Variants in RASGEF1A observed in about 807,000 individuals in gnomAD.
RASGEF1A encodes the protein RasGEF domain family member 1A.
A neutral mutation model predicts 56.4 loss-of-function variants in RASGEF1A; 18 were observed. That is an observed-to-expected ratio of 0.32 (90% CI 0.22 to 0.47). The LOEUF is 0.47. RASGEF1A is among the 20% of genes least tolerant of loss of function. RASGEF1A has a pLI of 1.00. For missense variants in RASGEF1A, 422 were observed against 627.1 expected (o/e 0.67, Z 3.49); for synonymous variants, 245 against 242.6 (o/e 1.01, Z -0.09).
intron 1 of RASGEF1A, among the ~76,000 whole-genome samples, chr10:43,219,473 G>C (rs1840179124): frequency 6.6e-6 from 1 of 152,218 alleles, no homozygotes; most frequent in African/African-American, 2.4e-5. Context: ...ATGATGACAG[G>C]ACAGAGCAGG....
intron 1 of RASGEF1A, among the ~76,000 whole-genome samples, chr10:43,249,984 A>C (rs534903321): frequency 2.2e-4 from 33 of 152,318 alleles, no homozygotes; most frequent in African/African-American, 7.9e-4. Flanking sequence ...CCCTGGGGAG[A>C]GGGCACAGTG....
intron 1 of RASGEF1A, among the ~76,000 whole-genome samples, chr10:43,255,183 A>G (rs1840674620): frequency 6.6e-6 from 1 of 152,138 alleles, no homozygotes; most frequent in Non-Finnish European, 1.5e-5. Flanking sequence ...GGACAGCAGG[A>G]TCCAGGAAAT....
chr10:43,203,198 C>A, intron 3 of RASGEF1A, 100 bp downstream of exon 3: 1 of 1,270,624 alleles, frequency 7.9e-7, no homozygotes, highest in African/African-American at 1.5e-5. Flanking sequence ...CCCCATCCCC[C>A]AGCTCTACCG....
chr10:43,215,696 T>C (rs1840127204), intron 1 of RASGEF1A, among the ~76,000 whole-genome samples: 1 of 152,168 alleles, frequency 6.6e-6, no homozygotes, highest in Non-Finnish European at 1.5e-5. Flanking sequence ...CCTGCCTAGA[T>C]ACTGGAGATA....
intron 2 of RASGEF1A, 150 bp downstream of exon 2, chr10:43,205,769 C>T: frequency 3.1e-6 from 2 of 650,238 alleles, no homozygotes; most frequent in Admixed American, 2.7e-5. Context: ...AGAGAAGGCC[C>T]TAGAGGTGGG....
At chr10:43,222,631 C>T (rs1238244093) in intron 1 of RASGEF1A, among the ~76,000 whole-genome samples, 1 of 152,246 alleles carries the variant, frequency 6.6e-6, no homozygotes, top group Non-Finnish European at 1.5e-5. Context: ...GCATCCCTTC[C>T]TCTTACTGTT....
chr10:43,220,751 C>T (rs1198427942), intron 1 of RASGEF1A, among the ~76,000 whole-genome samples: 1 of 150,864 alleles, frequency 6.6e-6, no homozygotes. Context: ...CGCCACTGCA[C>T]TCCAGCCTGT....
chr10:43,262,176 G>T (rs985205395), intron 1 of RASGEF1A, among the ~76,000 whole-genome samples: 1 of 152,100 alleles, frequency 6.6e-6, no homozygotes, highest in Non-Finnish European at 1.5e-5. Flanking sequence ...GGTGGGGGTG[G>T]GGAAACAAGC....
chr10:43,261,921 G>A (rs956594552), intron 1 of RASGEF1A, among the ~76,000 whole-genome samples: 20 of 152,232 alleles, frequency 1.3e-4, no homozygotes, highest in African/African-American at 3.6e-4. Flanking sequence ...TGGAGTCTGC[G>A]TCTGTACAGG....
chr10:43,244,075 T>C (rs1840540864), intron 1 of RASGEF1A, among the ~76,000 whole-genome samples: 1 of 152,236 alleles, frequency 6.6e-6, no homozygotes, highest in South Asian at 2.1e-4. Context: ...GCTGTTAATC[T>C]ATAACCTTAC....
chr10:43,259,947 T>C lies in RASGEF1A; in HGVS notation c.-7+6898A>G, dbSNP rs12764513. On this transcript the variant is annotated intron_variant, in intron 1 of 12. Transcript: ENST00000395810. Reference sequence around the variant, plus strand: ...GGGACGGCAGGAAGGCTCGGAGAGATGAAGGGAGGCACCAGAGAACCACAC... The same window carrying C: ...GGGACGGCAGGAAGGCTCGGAGAGACGAAGGGAGGCACCAGAGAACCACAC... Among the ~76,000 whole-genome samples, 1,340 of 151,840 alleles carry C rather than the reference T, an allele frequency of 8.8e-3. 54 individuals are homozygous for C. In the East Asian group the frequency reaches 0.096, roughly 11 times the overall value.
intron 1 of RASGEF1A, among the ~76,000 whole-genome samples, chr10:43,251,318 T>C (rs748025406): frequency 3.3e-5 from 5 of 152,106 alleles, no homozygotes; most frequent in Non-Finnish European, 4.4e-5. Context: ...CCCCCCAATA[T>C]GAGGACTGTG....
At chr10:43,249,656 A>T (rs1771141362) in intron 1 of RASGEF1A, among the ~76,000 whole-genome samples, 1 of 152,228 alleles carries the variant, frequency 6.6e-6, no homozygotes, top group African/African-American at 2.4e-5. Context: ...CCAGCAAGGC[A>T]TCCTGGACCC....
At chr10:43,243,922 G>A (rs554607020) in intron 1 of RASGEF1A, among the ~76,000 whole-genome samples, 23 of 152,314 alleles carry the variant, frequency 1.5e-4, no homozygotes, top group South Asian at 1.0e-3. Context: ...CCATGATGAC[G>A]ATGGTGGTTT....
At chr10:43,202,402 G>A (rs1839914113) in intron 3 of RASGEF1A, among the ~76,000 whole-genome samples, 1 of 152,148 alleles carries the variant, frequency 6.6e-6, no homozygotes, top group East Asian at 1.9e-4. Flanking sequence ...AGGCATGCAC[G>A]ACCCCACCCA....
chr10:43,214,247 C>T (rs1270400331), intron 1 of RASGEF1A, among the ~76,000 whole-genome samples: 1 of 152,200 alleles, frequency 6.6e-6, no homozygotes, highest in Non-Finnish European at 1.5e-5. Context: ...GTCGTCTTCC[C>T]GTGCACCCAC....
chr10:43,226,942 C>T (rs1003615630), intron 1 of RASGEF1A, among the ~76,000 whole-genome samples: 3 of 152,192 alleles, frequency 2.0e-5, no homozygotes, highest in Non-Finnish European at 4.4e-5. Flanking sequence ...CATGGCATGG[C>T]ATGATCTCTT....
intron 1 of RASGEF1A, chr10:43,208,109 AG>A: frequency 8.1e-6 from 8 of 985,474 alleles, no homozygotes; most frequent in Non-Finnish European, 9.6e-6. Context: ...GCACTGTCTC[AG>A]GCATCTGAGG....
chr10:43,259,285 G>A (rs567489078), intron 1 of RASGEF1A, among the ~76,000 whole-genome samples: 53 of 152,330 alleles, frequency 3.5e-4, no homozygotes, highest in Admixed American at 6.5e-4. Context: ...CAAGCACAGC[G>A]GGTAGCCTCT....
Sources: gnomAD v4.1 joint callset for allele counts (sites outside exome capture counted in the v4.1 genomes callset) on GRCh38, gnomAD v4.1.1 for gene constraint, MANE v1.5 for transcripts, NCBI Gene and HGNC (gene_info 2026-07-23, HGNC 2026-07-21) for gene names.